The following KRT80 variants were observed in gnomAD, a reference collection of about 807,000 sequenced individuals.
The protein encoded by KRT80 is keratin 80.
KRT80 carries 36 observed loss-of-function variants against 51.5 expected under a neutral mutation model. That is an observed-to-expected ratio of 0.70 (90% CI 0.54 to 0.92). KRT80 has a LOEUF of 0.92. KRT80 is among the 40% of genes least tolerant of loss of function. The probability of loss-of-function intolerance (pLI) is 0.00; values close to 1 mark genes in which losing one functional copy is unlikely to be tolerated. For synonymous variants in KRT80, 235 were observed against 248.3 expected, an observed-to-expected ratio of 0.95 and a Z score of 0.50; for missense variants, 566 against 591.7, an observed-to-expected ratio of 0.96 and a Z score of 0.45.
At chr12:52,186,351 T>C (rs1014338898) in intron 1 of KRT80, among the ~76,000 whole-genome samples, 1 of 152,164 alleles carries the variant, frequency 6.6e-6, no homozygotes, top group African/African-American at 2.4e-5. Flanking sequence ...TCCTTTGTCC[T>C]GAGCCACTAC....
intron 4 of KRT80, among the ~76,000 whole-genome samples, chr12:52,176,851 G>A (rs1258112059): frequency 2.6e-5 from 4 of 152,316 alleles, no homozygotes; most frequent in South Asian, 2.1e-4. Context: ...TTTCTCATCC[G>A]TAAAATGGAT....
intron 2 of KRT80, among the ~76,000 whole-genome samples, chr12:52,183,058 T>C (rs1416469627): frequency 6.6e-6 from 1 of 152,242 alleles, no homozygotes; most frequent in African/African-American, 2.4e-5. Flanking sequence ...TCATGCACAC[T>C]TGTGCAGCGC....
At chr12:52,188,707 C>T (rs1384175795) in intron 1 of KRT80, among the ~76,000 whole-genome samples, 1 of 152,202 alleles carries the variant, frequency 6.6e-6, no homozygotes, top group African/African-American at 2.4e-5. Flanking sequence ...TGTCTCCAGG[C>T]ATTTTACCAC....
At chr12:52,185,678 C>G in intron 1 of KRT80, 91 bp from the exon 2 acceptor site, 1 of 1,542,194 alleles carries the variant, frequency 6.5e-7, no homozygotes, top group South Asian at 1.2e-5. Flanking sequence ...ACGGAGGGCT[C>G]CCTGGGAAGT....
At chr12:52,182,938 C>G (rs1265264225) in intron 2 of KRT80, among the ~76,000 whole-genome samples, 2 of 152,190 alleles carry the variant, frequency 1.3e-5, no homozygotes, top group Admixed American at 1.3e-4. Context: ...TGTTTCATCT[C>G]CAGCCTTTGT....
At chr12:52,189,240 GCCGTA>G (rs1941447241) in intron 1 of KRT80, among the ~76,000 whole-genome samples, 1 of 151,846 alleles carries the variant, frequency 6.6e-6, no homozygotes, top group Admixed American at 6.6e-5. Context: ...ACAGCCCTGC[GCCGTA>G]CCTCCTGCCC....
rs146866122 is a variant in KRT80 at position 52,184,361 on chromosome 12, C to T, written c.509+1018G>A. 3.3e-3 allele frequency among the ~76,000 whole-genome samples: 500 copies of T among 152,318 alleles called. 5 individuals are homozygous for T. The highest frequency in any genetic ancestry group is 0.011 in the African/African-American group (468 of 41,556). On this transcript the variant is annotated intron_variant, in intron 2 of 8. Coordinates refer to ENST00000394815, the MANE Select transcript of KRT80 (RefSeq NM_182507.3). The stretch of plus-strand genomic sequence containing the variant: ...CCCCAGGCTCCTTGTTCCTGAAGCC[C>T]TGCCCACTACCTGACCACAGAGGGT...
At chr12:52,184,270 T>C (rs1289544347) in intron 2 of KRT80, among the ~76,000 whole-genome samples, 1 of 152,182 alleles carries the variant, frequency 6.6e-6, no homozygotes, top group Non-Finnish European at 1.5e-5. Flanking sequence ...TCACGCTGGC[T>C]GGAGGTCTCC....
At chr12:52,177,312 A>G (rs1043004952) in intron 4 of KRT80, among the ~76,000 whole-genome samples, 11 of 152,164 alleles carry the variant, frequency 7.2e-5, no homozygotes, top group Admixed American at 2.6e-4. Flanking sequence ...CTCCATGCAA[A>G]AGTTTAGGCA....
In KRT80 at chr12:52,191,942, G is replaced by C; in HGVS notation, c.-40C>G. On this transcript the variant is annotated 5_prime_UTR_variant, in exon 1 of 9. Coordinates refer to ENST00000394815, the MANE Select transcript of KRT80 (RefSeq NM_182507.3). ...GAAGCAGGAGGGCCCAGGGGGGTGA[G>C]CGAGTGAGCCTGGGGTTGCGTCGGG... 7.0e-7 allele frequency: 1 copy of C among 1,434,192 alleles called. No homozygotes were observed. Among genetic ancestry groups the C allele is most frequent in the Non-Finnish European group, 9.1e-7 (1 of 1,094,110 alleles). The allele number at this position is 1,434,192 out of a possible 1,614,324, so 88.8% of individuals were successfully genotyped here.
At chr12:52,185,069 T>C (rs1320168135) in intron 2 of KRT80, among the ~76,000 whole-genome samples, 1 of 152,210 alleles carries the variant, frequency 6.6e-6, no homozygotes, top group Non-Finnish European at 1.5e-5. Flanking sequence ...AGAGGACGGC[T>C]GCTCGAGGCA....
At chr12:52,181,986 A>G (rs17126372) in intron 2 of KRT80, among the ~76,000 whole-genome samples, 18,570 of 152,134 alleles carry the variant, frequency 0.12, 1,231 homozygotes, top group African/African-American at 0.17. Flanking sequence ...CTCATCACCC[A>G]TTGAGCTGGC....
chr12:52,190,448 GCTCAATGCATGTTA>G (rs1362031920), intron 1 of KRT80, among the ~76,000 whole-genome samples: 8 of 152,346 alleles, frequency 5.3e-5, no homozygotes, highest in African/African-American at 1.9e-4. Flanking sequence ...ATAAGTAGAT[GCTCAATGCATGTTA>G]CTTTCTTCCC....
At chr12:52,174,458 C>G (rs1362248055) in intron 4 of KRT80, among the ~76,000 whole-genome samples, 1 of 152,270 alleles carries the variant, frequency 6.6e-6, no homozygotes, top group Non-Finnish European at 1.5e-5. Flanking sequence ...CGCCCACTCC[C>G]TCTCTAGCCA....
intron 4 of KRT80, among the ~76,000 whole-genome samples, chr12:52,176,047 C>T (rs891708177): frequency 1.3e-5 from 2 of 152,172 alleles, no homozygotes; most frequent in East Asian, 1.9e-4. Flanking sequence ...GAAAGGCCGG[C>T]GCACTGTGAG....
rs998322014 is a variant in KRT80, at chr12:52,180,910, A to C, written c.563T>G (p.Leu188Arg). 1.3e-6 allele frequency: 2 copies of C among 1,585,030 alleles called. No individual in the cohort carries two copies. Among genetic ancestry groups the C allele is most frequent in the African/African-American group, 1.4e-5 (1 of 73,198 alleles). Residue 188 changes from leucine (L) to arginine (R), a missense_variant, in exon 3 of 9, where the codon CTG becomes CGG. By Grantham distance (102) the Leu-to-Arg change is moderately radical. Coordinates refer to ENST00000394815, the MANE Select transcript of KRT80 (RefSeq NM_182507.3). ...RTDMEFTFVQ[L>R]KKDLDAECLH... is the part of the protein sequence containing the mutation. ...GCAGGCTGGGCAGGCTACCTTCTTC[A>C]GCTGAACAAAGGTGAACTCCATGTC...
Position 52,173,587 on chromosome 12 carries a change from T to C in KRT80, c.831+13A>G. 6.2e-7 allele frequency: 1 copy of C among 1,611,484 alleles called. No homozygotes were observed. Among genetic ancestry groups the C allele is most frequent in the Non-Finnish European group, 8.5e-7 (1 of 1,179,558 alleles). On this transcript the variant is annotated intron_variant, in intron 5 of 8. Coordinates refer to ENST00000394815, the MANE Select transcript of KRT80 (RefSeq NM_182507.3). The stretch of plus-strand genomic sequence containing the variant: ...TCCAGGCTGCTTCTCGTGCCCTGTG[T>C]GGTCAGCCCCACCTGGCTCCGAGAG...
chr12:52,179,463 G>A (rs1941286865), intron 4 of KRT80, among the ~76,000 whole-genome samples: 1 of 152,212 alleles, frequency 6.6e-6, no homozygotes, highest in African/African-American at 2.4e-5. Context: ...CTGCTCCCAA[G>A]GGTTTGCTGT....
In KRT80 at chr12:52,177,663, GTGCA is replaced by G. The variant is rs945701996; in HGVS notation, c.666+2846_666+2849del. 9.0e-3 allele frequency among the ~76,000 whole-genome samples: 1,172 copies of G among 130,262 alleles called. 5 individuals carry two copies. Among genetic ancestry groups the G allele is most frequent in the Non-Finnish European group, 0.014 (844 of 60,208 alleles). The allele number at this position is 130,262 out of a possible 152,430, so 85.5% of individuals were successfully genotyped here. Reference sequence around the variant, plus strand: ...TGTGTGTGTGTGTGTGTGTGTGTGTGTGCATGTGTGTGTATGTACACACACACAT... The same window carrying G: ...TGTGTGTGTGTGTGTGTGTGTGTGTGTGTGTGTGTATGTACACACACACAT... On this transcript the variant is annotated intron_variant, in intron 4 of 8. Transcript: ENST00000394815.
Sources: allele counts gnomAD v4.1 joint callset (sites outside exome capture counted in the v4.1 genomes callset), GRCh38; gene constraint gnomAD v4.1.1; transcripts MANE v1.5; gene names NCBI Gene and HGNC (gene_info 2026-07-23, HGNC 2026-07-21).